Variants in CLU observed in about 807,000 individuals in gnomAD.
CLU encodes the protein clusterin.
A neutral mutation model predicts 46.4 loss-of-function variants in CLU; 25 were observed. That is an observed-to-expected ratio of 0.54 (90% CI 0.39 to 0.75). The LOEUF (loss-of-function observed/expected upper bound fraction) is 0.75. Among genes scored for constraint, CLU ranks in the 30% least tolerant of loss-of-function variants. CLU has a pLI of 0.00. For synonymous variants in CLU, 235 were observed against 235.1 expected (o/e 1.00, Z 0.00); for missense variants, 504 against 592.1 (o/e 0.85, Z 1.54).
intron 6 of CLU, among the ~76,000 whole-genome samples, chr8:27,600,274 G>C (rs1171046927): frequency 6.6e-6 from 1 of 152,116 alleles, no homozygotes; most frequent in Non-Finnish European, 1.5e-5. Context: ...TTGCTCTGTT[G>C]CCTAGGCTGG....
chr8:27,609,003 C>G lies in CLU; in HGVS notation c.181G>C (p.Glu61Gln). 6.2e-7 allele frequency: 1 copy of G among 1,614,200 alleles called. No homozygotes were observed. The highest frequency in any genetic ancestry group is 8.5e-7 in the Non-Finnish European group (1 of 1,180,018). The change falls in exon 3 of 9, where the codon GAA becomes CAA. Residue 61 changes from glutamate (E) to glutamine (Q), a missense_variant. By Grantham distance (29) the Glu-to-Gln change is conservative. Transcript: ENST00000316403. ...NGVKQIKTLIEKTNEERKTLL... is the reference protein window; with the variant it reads ...NGVKQIKTLIQKTNEERKTLL... ...GTCTTGCGCTCTTCGTTTGTTTTTT[C>G]TATGAGAGTCTTTATCTGTTTCACC...
intron 1 of CLU, chr8:27,610,917 A>T: frequency 2.6e-6 from 1 of 387,570 alleles, no homozygotes; most frequent in Non-Finnish European, 5.0e-6. Flanking sequence ...TCAGCGAGGC[A>T]CACAGGCTTT....
At chr8:27,612,694 C>T (rs546076) in intron 1 of CLU, among the ~76,000 whole-genome samples, 7,458 of 151,948 alleles carry the variant, frequency 0.049, 645 homozygotes, top group African/African-American at 0.17. Flanking sequence ...GTTCTAGAAC[C>T]GTGACTGCAC....
rs1352050625 is a variant in CLU, at chr8:27,610,479, G to T, written c.93C>A (p.Leu31=). 6.2e-7 allele frequency: 1 copy of T among 1,613,534 alleles called. No homozygotes were observed. Among genetic ancestry groups the T allele is most frequent in the African/African-American group, 1.3e-5 (1 of 75,038 alleles). The change falls in exon 2 of 9, where the codon CTC becomes CTA. Residue 31 remains leucine, a synonymous_variant. Transcript: ENST00000316403. The part of the protein sequence containing the change: ...LGDQTVSDNE[L]QEMSNQGSKY... ...CATCATGCTTGGTCTACTCACCCTG[G>T]AGCTCATTGTCTGAGACCGTCTGGT...
Position 27,610,509 on chromosome 8 carries a change from C to G in CLU, c.63G>C (p.Leu21=). ...CATTGTCTGAGACCGTCTGGTCCCC[C>G]AGGACCTGCCCACTCTCCCAGGTCA... The part of the protein sequence containing the change: ...LLLTWESGQV[L]GDQTVSDNEL... Residue 21 remains leucine (L), a synonymous_variant, in exon 2 of 9, where the codon CTG becomes CTC. Coordinates refer to ENST00000316403, the MANE Select transcript of CLU (RefSeq NM_001831.4). 6.2e-7 allele frequency: 1 copy of G among 1,614,218 alleles called. No individual in the cohort carries two copies. Among genetic ancestry groups the G allele is most frequent in the Middle Eastern group, 1.6e-4 (1 of 6,062 alleles).
rs374233511 is a variant in CLU, at chr8:27,604,943, C to G, written c.810G>C (p.Pro270=). The G allele has an allele frequency of 3.1e-6, 5 of 1,614,122 alleles. No individual in the cohort carries two copies. Among genetic ancestry groups the G allele is most frequent in the Non-Finnish European group, 4.2e-6 (5 of 1,180,022 alleles). Residue 270 remains proline (P), a synonymous_variant, in exon 5 of 9, where the codon CCG becomes CCC. Transcript: ENST00000316403. ...IHFHSPAFQH[P]PTEFIREGDD... Reference sequence around the variant, plus strand: ...TCTCACCTCGTATGAATTCTGTTGGCGGGTGCTGGAAGGCCGGGCTATGGA... The same window carrying G: ...TCTCACCTCGTATGAATTCTGTTGGGGGGTGCTGGAAGGCCGGGCTATGGA...
intron 7 of CLU, 52 bp from the exon 8 acceptor site, chr8:27,598,687 A>G: frequency 1.3e-6 from 2 of 1,564,994 alleles, no homozygotes; most frequent in Non-Finnish European, 1.8e-6. Context: ...GTCAAAATGC[A>G]TGCGCTCTGC....
Position 27,599,274 on chromosome 8 carries a change from C to A in CLU, c.1164+506G>T. 1 of 166,744 alleles carries A rather than the reference C, an allele frequency of 6.0e-6. No individual in the cohort carries two copies. The highest frequency in any genetic ancestry group is 1.3e-5 in the Non-Finnish European group (1 of 76,834). 10.3% of individuals were successfully genotyped at this position (166,744 alleles called of 1,614,324 possible). A position where few individuals can be genotyped will look rare whatever the true frequency, so the allele number is the denominator to read the frequency against. On this transcript the variant is annotated intron_variant, in intron 7 of 8. Coordinates refer to ENST00000316403, the MANE Select transcript of CLU (RefSeq NM_001831.4). This position sits in a 1 kb window ranked among gnomAD's most constrained non-coding sequence, Gnocchi z 4.0. ...TGTTGCCCAGGCTGGTCTCAAATTCCTGGCCTCAAGCAATCCTCTTGCCTC... is the reference window on the plus strand; with the variant it reads ...TGTTGCCCAGGCTGGTCTCAAATTCATGGCCTCAAGCAATCCTCTTGCCTC...
chr8:27,605,444 T>A, intron 4 of CLU, 109 bp from the exon 5 acceptor site: 1 of 1,169,350 alleles, frequency 8.6e-7, no homozygotes, highest in Non-Finnish European at 1.2e-6. Context: ...GCTGTAACAG[T>A]CACACAGCAA....
At position 27,605,193 on chromosome 8, in the gene CLU, A is replaced by T; in HGVS notation, c.560T>A (p.Ile187Lys). The change falls in exon 5 of 9, where the codon ATA (isoleucine) becomes AAA (lysine). Residue 187 changes from isoleucine to lysine, a missense_variant. Coordinates refer to ENST00000316403, the MANE Select transcript of CLU (RefSeq NM_001831.4). ...QDHFSRASSIIDELFQDRFFT... is the reference protein window; with the variant it reads ...QDHFSRASSIKDELFQDRFFT... ...GAACCTGTCCTGGAAGAGCTCGTCT[A>T]TGATGCTGGACGCGCGGCTGAAGTG... 6.2e-7 allele frequency: 1 copy of T among 1,614,220 alleles called. No homozygotes were observed. Among genetic ancestry groups the T allele is most frequent in the Non-Finnish European group, 8.5e-7 (1 of 1,180,036 alleles).
rs367989790 is a variant in CLU, at chr8:27,604,997, G to A, written c.756C>T (p.His252=). ...AMFQPFLEMI[H]EAQQAMDIHF... ...GGATGTCCATGGCCTGCTGAGCCTC[G>A]TGTATCATCTCAAGGAAGGGCTGGA... is the stretch of plus-strand genomic sequence containing the variant. Residue 252 remains histidine (H), a synonymous_variant, in exon 5 of 9, where the codon CAC becomes CAT. Transcript: ENST00000316403. 9.7e-5 allele frequency: 156 copies of A among 1,614,116 alleles called. 1 individual carries two copies. The Admixed American group carries it at 1.7e-3, about 18-fold the overall frequency.
intron 7 of CLU, 70 bp from the exon 8 acceptor site, chr8:27,598,705 G>C: frequency 6.7e-7 from 1 of 1,493,660 alleles, no homozygotes; most frequent in Non-Finnish European, 9.3e-7. Context: ...TGCAACAGAA[G>C]TCAGGCTTCT....
rs765086249 is a variant in CLU, at chr8:27,605,100, A to G, written c.653T>C (p.Phe218Ser). The G allele has an allele frequency of 8.1e-6, 13 of 1,613,902 alleles. No homozygotes were observed. The East Asian group carries it at 2.7e-4, about 33-fold the overall frequency. Residue 218 changes from phenylalanine to serine, a missense_variant, in exon 5 of 9, where the codon TTC (phenylalanine) becomes TCC (serine). Transcript: ENST00000316403. ...GACGATGCGGGACTTGGGAAAGAAG[A>G]AGTGAGGCCTCCGGTGGGGCAGGCT... ...PFSLPHRRPH[F>S]FFPKSRIVRS...
Position 27,610,504 on chromosome 8 carries a change from T to A in CLU, c.68A>T (p.Asp23Val), listed in dbSNP as rs1348991193. Residue 23 changes from aspartate (D) to valine (V), a missense_variant, in exon 2 of 9, where the codon GAC (aspartate) becomes GTC (valine). Asp to Val is a radical substitution (Grantham distance 152, BLOSUM62 -3). This residue lies in a region of CLU where 73 missense variants were observed against 91.2 expected (regional missense o/e 0.80). Coordinates refer to ENST00000316403, the MANE Select transcript of CLU (RefSeq NM_001831.4). The stretch of plus-strand genomic sequence containing the variant: ...GAGCTCATTGTCTGAGACCGTCTGG[T>A]CCCCCAGGACCTGCCCACTCTCCCA... Reference protein sequence around the residue: ...LTWESGQVLGDQTVSDNELQE... With the variant: ...LTWESGQVLGVQTVSDNELQE... The A allele has an allele frequency of 6.2e-7, 1 of 1,614,000 alleles. No homozygotes were observed. Among genetic ancestry groups the A allele is most frequent in the East Asian group, 2.2e-5 (1 of 44,892 alleles).
intron 3 of CLU, among the ~76,000 whole-genome samples, chr8:27,607,477 G>A (rs1800842894): frequency 1.3e-5 from 2 of 151,690 alleles, no homozygotes; most frequent in Non-Finnish European, 2.9e-5. Context: ...CAACCCAGAT[G>A]CTTAAAAGAG....
At chr8:27,608,062 A>C (rs945885227) in intron 3 of CLU, among the ~76,000 whole-genome samples, 1 of 152,348 alleles carries the variant, frequency 6.6e-6, no homozygotes, top group African/African-American at 2.4e-5. Context: ...GAGGATTCTC[A>C]TAGAATGGTG....
At position 27,597,915 on chromosome 8, in the gene CLU, C is replaced by A. The variant is rs751709305; in HGVS notation, c.*326G>T. 11 of 574,656 alleles carry A rather than the reference C, an allele frequency of 1.9e-5. No individual in the cohort carries two copies. The highest frequency in any genetic ancestry group is 1.7e-4 in the South Asian group (11 of 65,540). The allele number at this position is 574,656 out of a possible 1,614,324, so 35.6% of individuals were successfully genotyped here. A position where few individuals can be genotyped will look rare whatever the true frequency, so the allele number is the denominator to read the frequency against. On this transcript the variant is annotated 3_prime_UTR_variant, in exon 9 of 9. Transcript: ENST00000316403. Reference sequence around the variant, plus strand: ...TTTTTTGTTTCTACTTATTTTCCATCCCCCCTGCCTGCCCCCCATAGCAAA... The same window carrying A: ...TTTTTTGTTTCTACTTATTTTCCATACCCCCTGCCTGCCCCCCATAGCAAA...
intron 7 of CLU, chr8:27,598,911 C>T (rs1800666969): frequency 2.2e-6 from 1 of 458,142 alleles, no homozygotes; most frequent in Non-Finnish European, 3.8e-6. Context: ...CAAACATTTG[C>T]TTTAGAAGCA....
intron 6 of CLU, among the ~76,000 whole-genome samples, chr8:27,600,377 G>C (rs1239803703): frequency 6.6e-6 from 1 of 152,088 alleles, no homozygotes; most frequent in African/African-American, 2.4e-5. Context: ...TGGGACTATA[G>C]GCACATGCTA....
Sources: gnomAD v4.1 joint callset for allele counts (sites outside exome capture counted in the v4.1 genomes callset) on GRCh38, gnomAD v4.1.1 for gene constraint, gnomAD v4.1.1 regional missense constraint, Gnocchi (gnomAD v3.1) non-coding constraint, MANE v1.5 for transcripts, NCBI Gene and HGNC (gene_info 2026-07-23, HGNC 2026-07-21) for gene names.